ELOVL6: variants seen among roughly 807,000 people sequenced by gnomAD.
The protein encoded by ELOVL6 is ELOVL fatty acid elongase 6.
In ELOVL6, 8 loss-of-function variants were observed where a neutral mutation model predicts 31.7. That is an observed-to-expected ratio of 0.25 (90% CI 0.15 to 0.45). The LOEUF (loss-of-function observed/expected upper bound fraction) is 0.45. ELOVL6 is among the 20% of genes least tolerant of loss of function. The pLI, the probability that ELOVL6 is intolerant of heterozygous loss-of-function variation, is 1.00. For synonymous variants in ELOVL6, 101 were observed against 117.7 expected, an observed-to-expected ratio of 0.86 and a Z score of 0.92; for missense variants, 126 against 326.4, an observed-to-expected ratio of 0.39 and a Z score of 4.73.
In ELOVL6 at chr4:110,080,234, C is replaced by T. The variant is rs144738708; in HGVS notation, c.222-20480G>A. Among the ~76,000 whole-genome samples the T allele has an allele frequency of 3.0e-3, 453 of 152,298 alleles. 7 individuals carry two copies. In the East Asian group the frequency reaches 0.038, roughly 13 times the overall value. On this transcript the variant is annotated intron_variant, in intron 2 of 3. Transcript: ENST00000302274. ...GAAAGAGAGGGAATCCTTCCTAACT[C>T]ATTTTATGAGGCCAGCATCATCCTG...
At chr4:110,052,519 T>C (rs1754862103) in intron 3 of ELOVL6, among the ~76,000 whole-genome samples, 1 of 152,238 alleles carries the variant, frequency 6.6e-6, no homozygotes, top group Non-Finnish European at 1.5e-5. Flanking sequence ...CAGAATTAAC[T>C]GAAAAGATTT....
At chr4:110,115,495 G>A (rs1757144957) in intron 1 of ELOVL6, among the ~76,000 whole-genome samples, 1 of 152,120 alleles carries the variant, frequency 6.6e-6, no homozygotes, top group Admixed American at 6.5e-5. Flanking sequence ...TGTAATCCCA[G>A]CATTTCGGGA....
chr4:110,197,628 A>G (rs1164439410), intron 1 of ELOVL6, among the ~76,000 whole-genome samples: 1 of 151,966 alleles, frequency 6.6e-6, no homozygotes, highest in African/African-American at 2.4e-5. Flanking sequence ...CGGTCTCTCT[A>G]TGAAACCGGA....
intron 1 of ELOVL6, among the ~76,000 whole-genome samples, chr4:110,130,579 C>CTG (rs1757639185): frequency 1.3e-5 from 2 of 152,200 alleles, no homozygotes; most frequent in Non-Finnish European, 2.9e-5. Flanking sequence ...GGAAAAGTAA[C>CTG]TCCCAGAAAC....
At chr4:110,095,359 G>A (rs149063077) in intron 2 of ELOVL6, among the ~76,000 whole-genome samples, 84 of 152,042 alleles carry the variant, frequency 5.5e-4, no homozygotes, top group African/African-American at 1.9e-3. Context: ...GCACACGCCT[G>A]TAATCCCAGC....
chr4:110,178,746 T>TG (rs200924721), intron 1 of ELOVL6, among the ~76,000 whole-genome samples: 6,049 of 152,082 alleles, frequency 0.04, 158 homozygotes, highest in Non-Finnish European at 0.057. Context: ...CTCAGCTACT[T>TG]GGGAGCCTGA....
chr4:110,190,886 C>A (rs900573182), intron 1 of ELOVL6, among the ~76,000 whole-genome samples: 4 of 151,636 alleles, frequency 2.6e-5, no homozygotes, highest in African/African-American at 9.7e-5. Flanking sequence ...GTGGCATAAT[C>A]TCAGCTCACT....
At chr4:110,083,987 C>CATATGTTATATATGATATATAT (rs1560813354) in intron 2 of ELOVL6, among the ~76,000 whole-genome samples, 1 of 6,898 alleles carries the variant, frequency 1.4e-4, no homozygotes, top group Admixed American at 2.3e-3. Flanking sequence ...ATGCCATATA[C>CATATGTTATATATGATATATAT]GATATATAAC....
intron 1 of ELOVL6, among the ~76,000 whole-genome samples, chr4:110,191,893 C>A (rs1431863328): frequency 6.6e-6 from 1 of 152,050 alleles, no homozygotes; most frequent in African/African-American, 2.4e-5. Flanking sequence ...ACTATCTAAG[C>A]TGAAAGATTC....
chr4:110,050,122 T>C lies in ELOVL6; in HGVS notation c.*1216A>G, dbSNP rs770678792. On this transcript the variant is annotated 3_prime_UTR_variant, in exon 4 of 4. Coordinates refer to ENST00000302274, the MANE Select transcript of ELOVL6 (RefSeq NM_024090.3). Reference sequence around the variant, plus strand: ...TTGAAGTTTGTTGTAGTATTGCCACTCAGCCAGCAGAGGGCCCTTTAAACA... The same window carrying C: ...TTGAAGTTTGTTGTAGTATTGCCACCCAGCCAGCAGAGGGCCCTTTAAACA... 127 of 152,700 alleles carry C rather than the reference T, an allele frequency of 8.3e-4. 1 individual carries two copies. Among genetic ancestry groups the C allele is most frequent in the Middle Eastern group, 3.4e-3 (1 of 294 alleles). 9.5% of individuals were successfully genotyped at this position (152,700 alleles called of 1,614,324 possible). A position where few individuals can be genotyped will look rare whatever the true frequency, so the allele number is the denominator to read the frequency against.
rs115382850 is a variant in ELOVL6, at chr4:110,115,913, C to T, written c.90-10285G>A. Reference sequence around the variant, plus strand: ...TGCCTTTTCCAACATCTAGAGTCCACTTGACATTCCTTGGCTCATGGCTGC... The same window carrying T: ...TGCCTTTTCCAACATCTAGAGTCCATTTGACATTCCTTGGCTCATGGCTGC... On this transcript the variant is annotated intron_variant, in intron 1 of 3. Coordinates refer to ENST00000302274, the MANE Select transcript of ELOVL6 (RefSeq NM_024090.3). Among the ~76,000 whole-genome samples, 1,409 of 152,268 alleles carry T rather than the reference C, an allele frequency of 9.3e-3. 22 individuals are homozygous for T. Among genetic ancestry groups the T allele is most frequent in the African/African-American group, 0.032 (1,343 of 41,550 alleles).
chr4:110,161,422 T>C (rs772886028), intron 1 of ELOVL6, among the ~76,000 whole-genome samples: 1 of 152,196 alleles, frequency 6.6e-6, no homozygotes, highest in Non-Finnish European at 1.5e-5. Flanking sequence ...GGCACTTTCA[T>C]GGTCATTTTC....
chr4:110,146,973 G>A (rs1758131561), intron 1 of ELOVL6: 1 of 152,862 alleles, frequency 6.5e-6, no homozygotes, highest in Non-Finnish European at 1.5e-5. Context: ...CTGAGCAACA[G>A]ACTGAGACTC....
intron 3 of ELOVL6, among the ~76,000 whole-genome samples, chr4:110,055,391 A>G (rs1160628588): frequency 6.6e-6 from 1 of 152,162 alleles, no homozygotes; most frequent in Non-Finnish European, 1.5e-5. Context: ...AAGTACAAGC[A>G]ATGGGACTTT....
chr4:110,121,615 C>T (rs1011133805), intron 1 of ELOVL6, among the ~76,000 whole-genome samples: 1 of 152,112 alleles, frequency 6.6e-6, no homozygotes, highest in Non-Finnish European at 1.5e-5. Context: ...AGGAGAATGG[C>T]GTGAACCCAG....
chr4:110,182,437 T>C (rs1349965350), intron 1 of ELOVL6, among the ~76,000 whole-genome samples: 1 of 152,178 alleles, frequency 6.6e-6, no homozygotes. Flanking sequence ...TTAAATGAAT[T>C]AGTTTTTTTA....
intron 2 of ELOVL6, among the ~76,000 whole-genome samples, chr4:110,084,551 C>CAGATATATATTTATATATATATATAT (rs1163599448): frequency 3.1e-5 from 2 of 64,700 alleles, no homozygotes; most frequent in African/African-American, 1.8e-4. Flanking sequence ...CACACACACA[C>CAGATATATATTTATATATATATATAT]ACACACACAC....
At chr4:110,149,112 T>G (rs950822217) in intron 1 of ELOVL6, among the ~76,000 whole-genome samples, 2 of 152,224 alleles carry the variant, frequency 1.3e-5, no homozygotes, top group African/African-American at 4.8e-5. Flanking sequence ...TCCACCCATC[T>G]TGGCTTCCGA....
intron 1 of ELOVL6, among the ~76,000 whole-genome samples, chr4:110,128,289 G>A (rs956511379): frequency 6.6e-6 from 1 of 152,212 alleles, no homozygotes; most frequent in Non-Finnish European, 1.5e-5. Flanking sequence ...AGAGTGTTGA[G>A]ATGAAGGTGC....
Sources: allele counts gnomAD v4.1 joint callset (sites outside exome capture counted in the v4.1 genomes callset), GRCh38; gene constraint gnomAD v4.1.1; transcripts MANE v1.5; gene names NCBI Gene and HGNC (gene_info 2026-07-23, HGNC 2026-07-21).